GRIK2: variants seen among roughly 807,000 people sequenced by gnomAD.
GRIK2 encodes the protein glutamate ionotropic receptor kainate type subunit 2.
A neutral mutation model predicts 100.3 loss-of-function variants in GRIK2; 32 were observed. The observed-to-expected ratio is 0.32, with a 90% CI of 0.24 to 0.43. The LOEUF (loss-of-function observed/expected upper bound fraction) is 0.43, where lower values mean the gene tolerates loss of function less well. Ranked by LOEUF, GRIK2 falls within the 20% of genes least tolerant of loss-of-function variation. The pLI is 1.00. For missense variants in GRIK2, 843 were observed against 1,114.9 expected, an observed-to-expected ratio of 0.76 and a Z score of 3.47; for synonymous variants, 417 against 389.4, an observed-to-expected ratio of 1.07 and a Z score of -0.83.
intron 7 of GRIK2, among the ~76,000 whole-genome samples, chr6:101,761,886 C>T (rs1777715745): frequency 7.9e-6 from 1 of 125,934 alleles, no homozygotes. Flanking sequence ...CCTTTCCTTC[C>T]TTCCTCCCTT....
intron 2 of GRIK2, among the ~76,000 whole-genome samples, chr6:101,548,753 G>T (rs544765757): frequency 1.3e-5 from 2 of 152,194 alleles, no homozygotes; most frequent in Non-Finnish European, 2.9e-5. Context: ...CTTAGGATCT[G>T]CCAGGAACTA....
At chr6:101,663,112 A>C (rs761574741) in intron 4 of GRIK2, among the ~76,000 whole-genome samples, 3 of 152,168 alleles carry the variant, frequency 2.0e-5, no homozygotes, top group Non-Finnish European at 4.4e-5. Flanking sequence ...GAGCCCAGCA[A>C]CATAAAACAT....
At chr6:101,420,841 G>C (rs933225818) in intron 2 of GRIK2, among the ~76,000 whole-genome samples, 1 of 152,066 alleles carries the variant, frequency 6.6e-6, no homozygotes, top group Non-Finnish European at 1.5e-5. Context: ...AGAGTTTCTA[G>C]GTCTCTACCA....
At chr6:101,595,227 G>A (rs1778855879) in intron 2 of GRIK2, among the ~76,000 whole-genome samples, 1 of 151,650 alleles carries the variant, frequency 6.6e-6, no homozygotes, top group Non-Finnish European at 1.5e-5. Flanking sequence ...AGAGAAGAAA[G>A]GTGGGAGAGA....
chr6:101,858,338 C>T lies in GRIK2; in HGVS notation c.1318-949C>T, dbSNP rs192306153. The stretch of plus-strand genomic sequence containing the variant: ...AAATTATGTTGGATGAATGCATAAG[C>T]ACTTGATAAAGATCACTTTCTTCCT... On this transcript the variant is annotated intron_variant, in intron 10 of 16. Transcript: ENST00000369134. Among the ~76,000 whole-genome samples, 13 of 150,260 alleles carry T rather than the reference C, an allele frequency of 8.7e-5. No homozygotes were observed. The East Asian group carries it at 2.2e-3, about 25-fold the overall frequency.
At chr6:101,966,292 G>A (rs1020754502) in intron 14 of GRIK2, among the ~76,000 whole-genome samples, 6 of 152,050 alleles carry the variant, frequency 3.9e-5, no homozygotes. Flanking sequence ...TTGCATTATA[G>A]CAGAAGTTTA....
intron 10 of GRIK2, among the ~76,000 whole-genome samples, chr6:101,855,842 A>G (rs1784399571): frequency 1.3e-5 from 2 of 152,154 alleles, no homozygotes; most frequent in East Asian, 1.9e-4. Context: ...CAGAAATGGA[A>G]AGTAAAAGAT....
At chr6:101,413,494 A>T (rs2128238512) in intron 2 of GRIK2, among the ~76,000 whole-genome samples, 1 of 152,270 alleles carries the variant, frequency 6.6e-6, no homozygotes, top group Admixed American at 6.5e-5. Context: ...TTTGCATAAC[A>T]AAGTAATTGA....
Position 102,064,142 on chromosome 6 carries a change from A to T in GRIK2, c.2563-4205A>T, listed in dbSNP as rs370916750. ...TTGTTGTTTTCATCCTAAGGAACTG[A>T]CCTTATTTAATGACACAGTGCGTGG... On this transcript the variant is annotated intron_variant, in intron 16 of 16. Coordinates refer to ENST00000369134, the MANE Select transcript of GRIK2 (RefSeq NM_021956.5). 4.0e-5 allele frequency: 26 copies of T among 650,568 alleles called. No homozygotes were observed. In the East Asian group the frequency reaches 7.4e-4, roughly 19 times the overall value. The allele number at this position is 650,568 out of a possible 1,614,324, so 40.3% of individuals were successfully genotyped here. A position where few individuals can be genotyped will look rare whatever the true frequency, so the allele number is the denominator to read the frequency against.
chr6:102,000,263 T>A (rs1394776275), intron 14 of GRIK2, among the ~76,000 whole-genome samples: 2 of 144,244 alleles, frequency 1.4e-5, no homozygotes, highest in African/African-American at 5.1e-5. Flanking sequence ...CATAGAGTTT[T>A]CTTTGTTGAA....
chr6:101,975,520 G>A (rs1793309936), intron 14 of GRIK2, among the ~76,000 whole-genome samples: 1 of 151,940 alleles, frequency 6.6e-6, no homozygotes, highest in Non-Finnish European at 1.5e-5. Context: ...GAGATGTCAA[G>A]CAAGACAAGG....
chr6:101,453,188 A>G (rs1770804662), intron 2 of GRIK2, among the ~76,000 whole-genome samples: 1 of 151,612 alleles, frequency 6.6e-6, no homozygotes, highest in Non-Finnish European at 1.5e-5. Flanking sequence ...GCAGCTTCAG[A>G]TTTCCCATCC....
chr6:101,980,891 CTTTTTTT>C (rs36081447), intron 14 of GRIK2, among the ~76,000 whole-genome samples: 15 of 124,784 alleles, frequency 1.2e-4, no homozygotes, highest in Non-Finnish European at 3.4e-5. Flanking sequence ...CCATTTTTTC[CTTTTTTT>C]TTTTTTTTTT....
At chr6:101,404,128 G>C (rs907301662) in intron 2 of GRIK2, among the ~76,000 whole-genome samples, 1 of 152,130 alleles carries the variant, frequency 6.6e-6, no homozygotes, top group African/African-American at 2.4e-5. Flanking sequence ...TGGTTTATAC[G>C]TCAGTAGACA....
In GRIK2 at chr6:101,799,651, G is replaced by A. The variant is rs755763723; in HGVS notation, c.955G>A (p.Asp319Asn). 1.2e-5 allele frequency: 19 copies of A among 1,612,510 alleles called. No individual in the cohort carries two copies. Among genetic ancestry groups the A allele is most frequent in the Non-Finnish European group, 1.6e-5 (19 of 1,178,674 alleles). ...TTCCCTTTCCCTTGCTTTTCAGACT[G>A]ATGCTGCTCTAATGTATGATGCTGT... ...SGLLDGFMTT[D>N]AALMYDAVHV... Residue 319 changes from aspartate (D) to asparagine (N), a missense_variant, in exon 8 of 17, where the codon GAT becomes AAT. Physicochemically the swap from Asp to Asn is conservative, Grantham distance 23. Coordinates refer to ENST00000369134, the MANE Select transcript of GRIK2 (RefSeq NM_021956.5).
At chr6:101,579,332 ATT>A (rs1258222043) in intron 2 of GRIK2, among the ~76,000 whole-genome samples, 1 of 152,136 alleles carries the variant, frequency 6.6e-6, no homozygotes, top group Non-Finnish European at 1.5e-5. Flanking sequence ...ACTTTAAGGT[ATT>A]TCCATCTCTA....
intron 7 of GRIK2, among the ~76,000 whole-genome samples, chr6:101,797,482 A>G (rs528981242): frequency 9.3e-5 from 14 of 151,014 alleles, no homozygotes; most frequent in African/African-American, 2.9e-4. Context: ...TTATTATACT[A>G]TTATTCAGAG....
intron 7 of GRIK2, among the ~76,000 whole-genome samples, chr6:101,727,896 G>T (rs9404130): frequency 6.6e-6 from 1 of 151,678 alleles, no homozygotes; most frequent in African/African-American, 2.4e-5. Flanking sequence ...ATATATTAGC[G>T]GTGGGAACTG....
chr6:102,005,029 TAGC>T (rs1795138560), intron 14 of GRIK2, among the ~76,000 whole-genome samples: 1 of 151,922 alleles, frequency 6.6e-6, no homozygotes, highest in African/African-American at 2.4e-5. Context: ...TGTCAAGAAA[TAGC>T]AGCTTCTCAT....
Sources: gnomAD v4.1 joint callset for allele counts (sites outside exome capture counted in the v4.1 genomes callset) on GRCh38, gnomAD v4.1.1 for gene constraint, MANE v1.5 for transcripts, NCBI Gene and HGNC (gene_info 2026-07-23, HGNC 2026-07-21) for gene names.